The following DSP variants were observed in gnomAD, a reference collection of about 807,000 sequenced individuals.
DSP encodes the protein 250/210 kDa paraneoplastic pemphigus antigen.
A neutral mutation model predicts 290.6 loss-of-function variants in DSP; 114 were observed. That is an observed-to-expected ratio of 0.39 (90% confidence interval 0.34 to 0.46). The LOEUF is 0.46. DSP is among the 20% of genes least tolerant of loss of function. DSP has a pLI of 0.99. For synonymous variants in DSP, 1,311 were observed against 1,316.4 expected (o/e 1.00, Z 0.09); for missense variants, 3,230 against 3,495.8 (o/e 0.92, Z 1.92).
intron 8 of DSP, 143 bp from the exon 9 acceptor site, chr6:7,567,211 T>C (rs1758888718): frequency 2.7e-6 from 2 of 750,402 alleles, no homozygotes; most frequent in East Asian, 5.2e-5. Flanking sequence ...AAATTCTCTT[T>C]CCAACTTTTA....
In DSP at chr6:7,580,764, TA is replaced by T; in HGVS notation, c.4577del (p.Asn1526ThrfsTer3). 6.2e-7 allele frequency: 1 copy of T among 1,613,792 alleles called. No homozygotes were observed. The highest frequency in any genetic ancestry group is 8.5e-7 in the Non-Finnish European group (1 of 1,179,954). ...GCAAACAGTAGTGCGACGGAGACAA[TA>T]AACAAACTGAAGGTTCAGGAGCAAG... ...QKANSSATET[I>X]NKLKVQEQEL... On this transcript the variant is annotated frameshift_variant, in exon 23 of 24. Coordinates refer to ENST00000379802, the MANE Select transcript of DSP (RefSeq NM_004415.4). LOFTEE classifies it high-confidence loss of function. This position sits in a 1 kb window ranked among gnomAD's most constrained non-coding sequence, Gnocchi z 4.2.
In DSP at chr6:7,583,201, T is replaced by TC. The variant is rs1561701721; in HGVS notation, c.5940dup (p.Tyr1981LeufsTer2). The TC allele has an allele frequency of 6.2e-7, 1 of 1,613,938 alleles. No homozygotes were observed. ...AGGAAGAAGGTGACAGCAATGCAGC[T>TC]CTATGAGTGTCAGCTGATCGACAAA... On this transcript the variant is annotated frameshift_variant, in exon 24 of 24. Transcript: ENST00000379802. LOFTEE classifies it high-confidence loss of function. This position sits in a 1 kb window ranked among gnomAD's most constrained non-coding sequence, Gnocchi z 4.0.
At chr6:7,549,070 G>T (rs535579080) in intron 1 of DSP, among the ~76,000 whole-genome samples, 1 of 152,310 alleles carries the variant, frequency 6.6e-6, no homozygotes, top group Admixed American at 6.5e-5. Flanking sequence ...CCTTGCAGAA[G>T]GCTGTAACTT....
chr6:7,543,116 C>G (rs957112387), intron 1 of DSP, among the ~76,000 whole-genome samples: 1 of 152,162 alleles, frequency 6.6e-6, no homozygotes, highest in African/African-American at 2.4e-5. Context: ...GAGCTGGACT[C>G]TAGATGCCCA....
chr6:7,554,125 A>ACACGCACACACACACACACACACACC (rs772041102), intron 1 of DSP, among the ~76,000 whole-genome samples: 2 of 144,400 alleles, frequency 1.4e-5, no homozygotes, highest in African/African-American at 5.4e-5. Context: ...ACACACACAC[A>ACACGCACACACACACACACACACACC]CCCAGTTGGT....
intron 8 of DSP, 43 bp downstream of exon 8, chr6:7,566,524 C>A: frequency 7.0e-7 from 1 of 1,430,380 alleles, no homozygotes; most frequent in Non-Finnish European, 9.8e-7. Context: ...AAAAAAAAAA[C>A]TTTTCATAAA....
chr6:7,549,543 T>C (rs1758272331), intron 1 of DSP, among the ~76,000 whole-genome samples: 1 of 152,202 alleles, frequency 6.6e-6, no homozygotes, highest in South Asian at 2.1e-4. Context: ...TCAAACAAAA[T>C]AGTATATGTG....
At chr6:7,574,875 G>A (rs76283418) in intron 17 of DSP, 80 bp downstream of exon 17, 1 of 1,599,628 alleles carries the variant, frequency 6.3e-7, no homozygotes. Flanking sequence ...AGCCTCACTG[G>A]GTTTTCATGA....
rs148894066 is a variant in DSP, at chr6:7,579,697, C to A, written c.3507C>A (p.Tyr1169Ter). ...ESEKAIKEKE[Y>*]EIERLRVLLQ... ...AGAAAGCCATCAAGGAGAAGGAGTA[C>A]GAGATTGAAAGGTTGAGGGTTCTAC... The change falls in exon 23 of 24, where the codon TAC (tyrosine) becomes TAA (stop). Residue 1169 changes from tyrosine to a stop codon, truncating the protein, a stop_gained. Coordinates refer to ENST00000379802, the MANE Select transcript of DSP (RefSeq NM_004415.4). LOFTEE classifies it high-confidence loss of function. The surrounding 1 kb of genome is among the most constrained non-coding windows in gnomAD (Gnocchi z 4.1). 1 of 1,613,320 alleles carries A rather than the reference C, an allele frequency of 6.2e-7. No homozygotes were observed. The highest frequency in any genetic ancestry group is 8.5e-7 in the Non-Finnish European group (1 of 1,179,780).
intron 1 of DSP, among the ~76,000 whole-genome samples, chr6:7,545,557 C>T (rs189200064): frequency 2.9e-4 from 44 of 152,222 alleles, no homozygotes; most frequent in Non-Finnish European, 1.5e-4. Flanking sequence ...AAGTATTTAC[C>T]GAGCATTGAC....
In DSP at chr6:7,577,511, A is replaced by G. The variant is rs2806231; in HGVS notation, c.2878-268A>G. On this transcript the variant is annotated intron_variant, in intron 20 of 23. Coordinates refer to ENST00000379802, the MANE Select transcript of DSP (RefSeq NM_004415.4). The stretch of plus-strand genomic sequence containing the variant: ...GCCCGGCTAATTTTATATTTTTAGT[A>G]GAGACAGGGTTTCTCCGTGTTGGTC... Among the ~76,000 whole-genome samples, 42,291 of 151,944 alleles carry G rather than the reference A, an allele frequency of 0.28. 6,644 individuals are homozygous for G. Among genetic ancestry groups the G allele is most frequent in the Middle Eastern group, 0.41 (120 of 294 alleles).
Position 7,574,270 on chromosome 6 carries a change from T to C in DSP, c.2297+18T>C. On this transcript the variant is annotated intron_variant, in intron 16 of 23. Coordinates refer to ENST00000379802, the MANE Select transcript of DSP (RefSeq NM_004415.4). ...TTAAATAGGTAAACTCAGCTAACAC[T>C]AATCTCATATTTTCCTTTTCTCAAG... 1 of 1,611,540 alleles carries C rather than the reference T, an allele frequency of 6.2e-7. No individual in the cohort carries two copies. Among genetic ancestry groups the C allele is most frequent in the Non-Finnish European group, 8.5e-7 (1 of 1,178,764 alleles).
rs1758610026 is a variant in DSP at position 7,559,400 on chromosome 6, G to A, written c.597G>A (p.Arg199=). ...GTTTGGGGTGGATGAGGCAGCAAAG[G>A]GTAAGCAGCTTCTTGAACAGCCCAA... ...SECLGWMRQQ[R]AEMDMVAWGV... is the part of the protein sequence containing the mutation. The change falls in exon 4 of 24, where the codon AGG becomes AGA. Residue 199 remains arginine, a splice_region_variant and synonymous_variant. Transcript: ENST00000379802. 6.2e-7 allele frequency: 1 copy of A among 1,612,266 alleles called. No individual in the cohort carries two copies.
intron 1 of DSP, among the ~76,000 whole-genome samples, chr6:7,542,648 C>T (rs2757624): frequency 0.13 from 20,090 of 152,026 alleles, 2,228 homozygotes; most frequent in African/African-American, 0.31. Context: ...GCTGCGCGTC[C>T]CGGCGGCGCG....
intron 4 of DSP, among the ~76,000 whole-genome samples, 172 bp downstream of exon 4, chr6:7,559,572 G>A (rs887790735): frequency 6.6e-6 from 1 of 152,184 alleles, no homozygotes; most frequent in Non-Finnish European, 1.5e-5. Flanking sequence ...TTCTATTTTG[G>A]AATGAATGAG....
chr6:7,582,912 G>A lies in DSP; in HGVS notation c.5650G>A (p.Glu1884Lys). The A allele has an allele frequency of 6.2e-7, 1 of 1,614,116 alleles. No homozygotes were observed. Among genetic ancestry groups the A allele is most frequent in the Non-Finnish European group, 8.5e-7 (1 of 1,180,032 alleles). The change falls in exon 24 of 24, where the codon GAA becomes AAA. Residue 1884 changes from glutamate to lysine, a missense_variant. Glu to Lys is a moderately conservative substitution (Grantham distance 56). Around this residue, in one of 5 missense-constraint regions of DSP, gnomAD observed 1,714 missense variants for 1,844.5 expected, o/e 0.93. Transcript: ENST00000379802. The surrounding 1 kb of genome is among the most constrained non-coding windows in gnomAD (Gnocchi z 4.2). ...KEEAIRKIES[E>K]REKSEREKNS... is the part of the protein sequence containing the mutation. ...GGAGGCTATTAGGAAGATAGAATCG[G>A]AAAGAGAAAAGAGTGAGAGAGAGAA...
chr6:7,565,306 C>T lies in DSP; in HGVS notation c.778-53C>T. ...GTTTAATCTTTAAACCTGCAGAGAACACCAGTCACTGCATATTGTTATTTT... is the reference window on the plus strand; with the variant it reads ...GTTTAATCTTTAAACCTGCAGAGAATACCAGTCACTGCATATTGTTATTTT... On this transcript the variant is annotated intron_variant, in intron 6 of 23. Transcript: ENST00000379802. This position sits in a 1 kb window ranked among gnomAD's most constrained non-coding sequence, Gnocchi z 4.2. 1 of 1,593,622 alleles carries T rather than the reference C, an allele frequency of 6.3e-7. No individual in the cohort carries two copies. The highest frequency in any genetic ancestry group is 8.6e-7 in the Non-Finnish European group (1 of 1,163,284).
At position 7,584,797 on chromosome 6, in the gene DSP, A is replaced by G. The variant is rs1759575116; in HGVS notation, c.7535A>G (p.Asp2512Gly). 1 of 1,614,234 alleles carries G rather than the reference A, an allele frequency of 6.2e-7. No homozygotes were observed. The highest frequency in any genetic ancestry group is 1.3e-5 in the African/African-American group (1 of 75,066). Reference sequence around the variant, plus strand: ...GAAGAAATAACCATCACGGGATCAGATGGCTCCACCAGGGTGGTCCTGGTA... The same window carrying G: ...GAAGAAATAACCATCACGGGATCAGGTGGCTCCACCAGGGTGGTCCTGGTA... ...EWEEITITGS[D>G]GSTRVVLVDR... The change falls in exon 24 of 24, where the codon GAT (aspartate) becomes GGT (glycine). Residue 2512 changes from aspartate to glycine, a missense_variant. By Grantham distance (94) the Asp-to-Gly change is moderately conservative (BLOSUM62 -1). Around this residue, in one of 5 missense-constraint regions of DSP, gnomAD observed 582 missense variants for 555.4 expected, o/e 1.05. Coordinates refer to ENST00000379802, the MANE Select transcript of DSP (RefSeq NM_004415.4). The surrounding 1 kb of genome is among the most constrained non-coding windows in gnomAD (Gnocchi z 6.4).
rs527389185 is a variant in DSP, at chr6:7,574,390, A to G, written c.2297+138A>G. ...TACATCCTTCTGTGGTTTGGAGAGC[A>G]TGTTAATTCCGCTAGCCTCGCATGT... On this transcript the variant is annotated intron_variant, in intron 16 of 23. Transcript: ENST00000379802. The G allele has an allele frequency of 2.4e-4, 234 of 973,740 alleles. 1 individual carries two copies. Among genetic ancestry groups the G allele is most frequent in the Admixed American group, 7.7e-4 (35 of 45,252 alleles). The allele number at this position is 973,740 out of a possible 1,614,324, so 60.3% of individuals were successfully genotyped here. A position where few individuals can be genotyped will look rare whatever the true frequency, so the allele number is the denominator to read the frequency against.
Sources: gnomAD v4.1 joint callset for allele counts (sites outside exome capture counted in the v4.1 genomes callset) on GRCh38, gnomAD v4.1.1 for gene constraint, gnomAD v4.1.1 regional missense constraint, Gnocchi (gnomAD v3.1) non-coding constraint, MANE v1.5 for transcripts, NCBI Gene and HGNC (gene_info 2026-07-23, HGNC 2026-07-21) for gene names.